Variants in RIN3 observed in about 807,000 individuals in gnomAD.
RIN3 encodes the protein RAB5 interacting protein 3.
RIN3 carries 54 observed loss-of-function variants against 76.3 expected under a neutral mutation model. The observed-to-expected ratio is 0.71, with a 90% CI of 0.57 to 0.89. RIN3 has a LOEUF of 0.89. Among genes scored for constraint, RIN3 ranks in the 40% least tolerant of loss-of-function variants. RIN3 has a pLI of 0.00. For missense variants in RIN3, 1,256 were observed against 1,322.1 expected (o/e 0.95, Z 0.78); for synonymous variants, 576 against 564.0 (o/e 1.02, Z -0.30).
intron 3 of RIN3, among the ~76,000 whole-genome samples, chr14:92,584,166 G>A (rs1308305831): frequency 1.3e-5 from 2 of 152,164 alleles, no homozygotes; most frequent in Non-Finnish European, 2.9e-5. Flanking sequence ...GGGTGGGGGG[G>A]TCTTGAAACC....
chr14:92,649,808 C>A (rs1220093996), intron 5 of RIN3, among the ~76,000 whole-genome samples: 1 of 152,176 alleles, frequency 6.6e-6, no homozygotes, highest in Non-Finnish European at 1.5e-5. Flanking sequence ...TGTGATGAGA[C>A]CTGGTCTCTC....
chr14:92,518,282 C>G (rs1360199250), intron 1 of RIN3, among the ~76,000 whole-genome samples: 1 of 152,234 alleles, frequency 6.6e-6, no homozygotes, highest in African/African-American at 2.4e-5. Context: ...AGTTCCATAT[C>G]CTTGTGTCCT....
chr14:92,620,215 T>C (rs1886123180), intron 4 of RIN3, among the ~76,000 whole-genome samples: 1 of 152,240 alleles, frequency 6.6e-6, no homozygotes, highest in African/African-American at 2.4e-5. Flanking sequence ...TAAGAAACTC[T>C]TACCCTTTTG....
chr14:92,518,174 G>A (rs575872603), intron 1 of RIN3, among the ~76,000 whole-genome samples: 2 of 152,242 alleles, frequency 1.3e-5, no homozygotes, highest in South Asian at 2.1e-4. Context: ...CACATGAACC[G>A]CTTGTTTGCC....
At chr14:92,559,699 C>T (rs771601019) in intron 2 of RIN3, among the ~76,000 whole-genome samples, 1 of 152,162 alleles carries the variant, frequency 6.6e-6, no homozygotes, top group Non-Finnish European at 1.5e-5. Context: ...AGACACCAAG[C>T]TGGGCCATGA....
At position 92,648,354 on chromosome 14, in the gene RIN3, A is replaced by G. The variant is rs903467501; in HGVS notation, c.533-3228A>G. Reference sequence around the variant, plus strand: ...CTGCTCTGTTCCTGCCAAAATCCACACCTGAGCAATGGGAAATGTTGTCTT... The same window carrying G: ...CTGCTCTGTTCCTGCCAAAATCCACGCCTGAGCAATGGGAAATGTTGTCTT... On this transcript the variant is annotated intron_variant, in intron 5 of 9. Transcript: ENST00000216487. The surrounding 1 kb of genome is among the most constrained non-coding windows in gnomAD (Gnocchi z 4.1). 3.9e-5 allele frequency among the ~76,000 whole-genome samples: 6 copies of G among 151,956 alleles called. No homozygotes were observed. The highest frequency in any genetic ancestry group is 8.8e-5 in the Non-Finnish European group (6 of 67,928).
At chr14:92,674,865 G>C (rs1278486907) in intron 7 of RIN3, among the ~76,000 whole-genome samples, 1 of 144,828 alleles carries the variant, frequency 6.9e-6, no homozygotes, top group African/African-American at 2.5e-5. Flanking sequence ...CTCCAGCCTT[G>C]GCAACAAGAG....
intron 1 of RIN3, among the ~76,000 whole-genome samples, chr14:92,537,008 AT>A (rs1566831741): frequency 1.3e-4 from 8 of 60,598 alleles, no homozygotes; most frequent in African/African-American, 2.3e-4. Context: ...ATTTAAAAAT[AT>A]ATATATATAT....
At chr14:92,602,375 G>C (rs1885378129) in intron 3 of RIN3, among the ~76,000 whole-genome samples, 1 of 152,202 alleles carries the variant, frequency 6.6e-6, no homozygotes, top group South Asian at 2.1e-4. Context: ...AGTGAGGCAG[G>C]GACACGCCGA....
intron 8 of RIN3, among the ~76,000 whole-genome samples, chr14:92,680,053 T>C (rs911838110): frequency 2.6e-5 from 4 of 152,160 alleles, no homozygotes; most frequent in Non-Finnish European, 4.4e-5. Context: ...CATGGAAATG[T>C]ATGTCTCTCA....
intron 3 of RIN3, among the ~76,000 whole-genome samples, chr14:92,578,958 G>A (rs544492918): frequency 3.7e-4 from 55 of 150,132 alleles, no homozygotes; most frequent in African/African-American, 1.3e-3. Flanking sequence ...ATGGAGTTTC[G>A]CTCTTGTTGC....
intron 1 of RIN3, among the ~76,000 whole-genome samples, chr14:92,553,958 G>A (rs537767382): frequency 2.6e-5 from 4 of 152,092 alleles, no homozygotes; most frequent in South Asian, 2.1e-4. Flanking sequence ...CCCTGGCCTC[G>A]TCCCCTGCCT....
chr14:92,621,234 T>TGAAAAAA (rs1435912144), intron 4 of RIN3, among the ~76,000 whole-genome samples: 1 of 2,582 alleles, frequency 3.9e-4, no homozygotes, highest in Non-Finnish European at 9.8e-4. Flanking sequence ...AGACTCCGTC[T>TGAAAAAA]CAAAAAAAAA....
intron 3 of RIN3, among the ~76,000 whole-genome samples, chr14:92,599,257 A>G (rs4904955): frequency 0.63 from 92,673 of 146,934 alleles, 28,533 homozygotes; most frequent in Middle Eastern, 0.7. Context: ...GGGTGTGAAG[A>G]CTGGAGTTCA....
At chr14:92,536,470 G>A (rs1354057356) in intron 1 of RIN3, among the ~76,000 whole-genome samples, 2 of 152,152 alleles carry the variant, frequency 1.3e-5, no homozygotes, top group Non-Finnish European at 2.9e-5. Context: ...TCAGCCGGGA[G>A]CAGTGACTCA....
chr14:92,592,887 T>G (rs974614751), intron 3 of RIN3, among the ~76,000 whole-genome samples: 1 of 152,012 alleles, frequency 6.6e-6, no homozygotes, highest in African/African-American at 2.4e-5. Flanking sequence ...TTGGCCAGGC[T>G]GGTCTCGAAC....
chr14:92,656,463 G>A lies in RIN3; in HGVS notation c.2027-2698G>A, dbSNP rs973378930. ...GGTGGCCTTCAGCAGAGCAAAGGAGGTGGAGCACAAGCTGGACCTCTGCTG... is the reference window on the plus strand; with the variant it reads ...GGTGGCCTTCAGCAGAGCAAAGGAGATGGAGCACAAGCTGGACCTCTGCTG... On this transcript the variant is annotated intron_variant, in intron 6 of 9. Coordinates refer to ENST00000216487, the MANE Select transcript of RIN3 (RefSeq NM_024832.5). The surrounding 1 kb of genome is among the most constrained non-coding windows in gnomAD (Gnocchi z 5.2). Among the ~76,000 whole-genome samples the A allele has an allele frequency of 1.3e-5, 2 of 152,180 alleles. No individual in the cohort carries two copies. The highest frequency in any genetic ancestry group is 2.9e-5 in the Non-Finnish European group (2 of 68,024).
rs376232756 is a variant in RIN3, at chr14:92,591,588, G to A, written c.367+14111G>A. Among the ~76,000 whole-genome samples the A allele has an allele frequency of 3.8e-4, 57 of 151,906 alleles. 1 individual carries two copies. In the East Asian group the frequency reaches 8.1e-3, roughly 22 times the overall value. Reference sequence around the variant, plus strand: ...AAAAAGTCTTGAAAAAAAGCCAGAGGGGGGAGAAAAACACCTTGCCTATAG... The same window carrying A: ...AAAAAGTCTTGAAAAAAAGCCAGAGAGGGGAGAAAAACACCTTGCCTATAG... On this transcript the variant is annotated intron_variant, in intron 3 of 9. Transcript: ENST00000216487.
intron 4 of RIN3, among the ~76,000 whole-genome samples, chr14:92,618,943 T>C (rs926815961): frequency 3.3e-5 from 5 of 152,226 alleles, no homozygotes; most frequent in African/African-American, 1.2e-4. Flanking sequence ...TTATATTATC[T>C]TGGATACTAG....
Sources: allele counts gnomAD v4.1 joint callset (sites outside exome capture counted in the v4.1 genomes callset), GRCh38; gene constraint gnomAD v4.1.1; non-coding constraint Gnocchi (gnomAD v3.1); transcripts MANE v1.5; gene names NCBI Gene and HGNC (gene_info 2026-07-23, HGNC 2026-07-21).